Variants in RAP1GDS1 observed in about 807,000 individuals in gnomAD.
RAP1GDS1 encodes the protein Rap1 GTPase-GDP dissociation stimulator 1.
Under a neutral mutation model 71.1 loss-of-function variants are expected in RAP1GDS1, and 35 were observed. That is an observed-to-expected ratio of 0.49 (90% confidence interval 0.38 to 0.65). RAP1GDS1 has a LOEUF of 0.65. RAP1GDS1 is among the 30% of genes least tolerant of loss of function. The probability of loss-of-function intolerance (pLI) is 0.00; values close to 1 mark genes in which losing one functional copy is unlikely to be tolerated. For synonymous variants in RAP1GDS1, 229 were observed against 243.1 expected (o/e 0.94, Z 0.54); for missense variants, 663 against 706.1 (o/e 0.94, Z 0.69).
chr4:98,436,923 C>CTTTG lies in RAP1GDS1; in HGVS notation c.1568-13_1568-10dup. ...ACTGGGTTCGTACGCAGTAGATATA[C>CTTTG]TTTGTTTTATTTGTAGGCACTGCTG... On this transcript the variant is annotated splice_polypyrimidine_tract_variant and intron_variant, in intron 13 of 14. Coordinates refer to ENST00000408927, the MANE Select transcript of RAP1GDS1 (RefSeq NM_001100427.2). 6.3e-7 allele frequency: 1 copy of CTTTG among 1,584,186 alleles called. No homozygotes were observed. The highest frequency in any genetic ancestry group is 8.5e-7 in the Non-Finnish European group (1 of 1,170,898).
chr4:98,314,878 C>T (rs1047969460), intron 2 of RAP1GDS1, among the ~76,000 whole-genome samples: 2 of 152,036 alleles, frequency 1.3e-5, no homozygotes, highest in African/African-American at 4.8e-5. Flanking sequence ...TATAGGTATA[C>T]CGTTGTTTTT....
At chr4:98,278,161 C>T (rs760556832) in intron 1 of RAP1GDS1, among the ~76,000 whole-genome samples, 6 of 152,132 alleles carry the variant, frequency 3.9e-5, no homozygotes, top group South Asian at 2.1e-4. Flanking sequence ...ATAGAGCCAC[C>T]GCATTCCAAC....
intron 12 of RAP1GDS1, among the ~76,000 whole-genome samples, chr4:98,425,811 G>C (rs1749530397): frequency 6.6e-6 from 1 of 152,122 alleles, no homozygotes; most frequent in Non-Finnish European, 1.5e-5. Flanking sequence ...CATTAAAGAG[G>C]TTATCAAGAC....
intron 2 of RAP1GDS1, among the ~76,000 whole-genome samples, chr4:98,319,202 C>A (rs935133789): frequency 6.6e-6 from 1 of 152,114 alleles, no homozygotes; most frequent in Non-Finnish European, 1.5e-5. Context: ...TTAGCATGTT[C>A]TAGGCACTTA....
At chr4:98,340,918 G>A (rs1388569699) in intron 2 of RAP1GDS1, among the ~76,000 whole-genome samples, 1 of 151,796 alleles carries the variant, frequency 6.6e-6, no homozygotes, top group East Asian at 1.9e-4. Flanking sequence ...CTACCTATCG[G>A]GTACTATGCT....
intron 2 of RAP1GDS1, among the ~76,000 whole-genome samples, chr4:98,295,940 G>A (rs1727671279): frequency 6.6e-6 from 1 of 151,894 alleles, no homozygotes; most frequent in African/African-American, 2.4e-5. Context: ...GTTCTTCCTT[G>A]AATAAGGTGA....
intron 1 of RAP1GDS1, among the ~76,000 whole-genome samples, chr4:98,277,663 A>G (rs545883846): frequency 2.0e-5 from 3 of 152,278 alleles, no homozygotes; most frequent in East Asian, 1.9e-4. Flanking sequence ...TTAGATTTCA[A>G]ATCTCATTCA....
chr4:98,359,829 A>G (rs1738462959), intron 4 of RAP1GDS1, among the ~76,000 whole-genome samples: 1 of 152,178 alleles, frequency 6.6e-6, no homozygotes, highest in South Asian at 2.1e-4. Context: ...TCAGGAAGCC[A>G]TTACAGGAGG....
chr4:98,264,081 T>A (rs1490960548), intron 1 of RAP1GDS1, among the ~76,000 whole-genome samples: 2 of 152,192 alleles, frequency 1.3e-5, no homozygotes, highest in Non-Finnish European at 2.9e-5. Flanking sequence ...GGAGAAGTGC[T>A]TTTTAATTTG....
chr4:98,418,609 T>C, intron 9 of RAP1GDS1, 48 bp from the exon 10 acceptor site: 1 of 1,519,484 alleles, frequency 6.6e-7, no homozygotes, highest in Non-Finnish European at 8.9e-7. Flanking sequence ...ATAAAGTATT[T>C]ATAGATATTT....
chr4:98,437,029 T>C lies in RAP1GDS1; in HGVS notation c.1657T>C (p.Tyr553His). 6.2e-7 allele frequency: 1 copy of C among 1,612,608 alleles called. No individual in the cohort carries two copies. Among genetic ancestry groups the C allele is most frequent in the Non-Finnish European group, 8.5e-7 (1 of 1,179,648 alleles). The change falls in exon 14 of 15, where the codon TAT becomes CAT. Residue 553 changes from tyrosine to histidine, a missense_variant. Transcript: ENST00000408927. ...TGAGAGAAGTGCTCCTGAAATCAAA[T>C]ATAATTCCATGGTCCTGATATGTGC... is the stretch of plus-strand genomic sequence containing the variant. ...ADERSAPEIKYNSMVLICALM... is the reference protein window; with the variant it reads ...ADERSAPEIKHNSMVLICALM...
intron 4 of RAP1GDS1, among the ~76,000 whole-genome samples, chr4:98,376,485 AT>A (rs1741203138): frequency 6.6e-6 from 1 of 152,106 alleles, no homozygotes; most frequent in South Asian, 2.1e-4. Context: ...TACTGGAAAA[AT>A]AAGTCAGTTG....
intron 14 of RAP1GDS1, among the ~76,000 whole-genome samples, chr4:98,437,882 T>C (rs149097457): frequency 2.9e-3 from 442 of 152,186 alleles, no homozygotes; most frequent in African/African-American, 0.01. Flanking sequence ...TATGGACACC[T>C]GAAAAGAGTG....
At chr4:98,420,862 G>A (rs1320761433) in intron 11 of RAP1GDS1, among the ~76,000 whole-genome samples, 2 of 152,184 alleles carry the variant, frequency 1.3e-5, no homozygotes, top group Non-Finnish European at 2.9e-5. Flanking sequence ...CAGACAGGGA[G>A]AGCATTTTTC....
chr4:98,436,079 A>AATATAT (rs770519660), intron 13 of RAP1GDS1, among the ~76,000 whole-genome samples: 4 of 143,150 alleles, frequency 2.8e-5, no homozygotes, highest in African/African-American at 5.2e-5. Context: ...TCAAAAAAAA[A>AATATAT]ATATATATAT....
chr4:98,293,069 A>G (rs1285796537), intron 1 of RAP1GDS1, among the ~76,000 whole-genome samples: 1 of 152,178 alleles, frequency 6.6e-6, no homozygotes, highest in Non-Finnish European at 1.5e-5. Context: ...AAAACTATAT[A>G]ATTTTTTATG....
chr4:98,332,186 A>G (rs1176828151), intron 2 of RAP1GDS1, among the ~76,000 whole-genome samples: 1 of 152,224 alleles, frequency 6.6e-6, no homozygotes, highest in Non-Finnish European at 1.5e-5. Context: ...TTAATCAGAC[A>G]AAGGAGAAGT....
intron 1 of RAP1GDS1, among the ~76,000 whole-genome samples, chr4:98,276,531 A>G (rs1029794051): frequency 6.7e-6 from 1 of 149,774 alleles, no homozygotes; most frequent in Non-Finnish European, 1.5e-5. Context: ...TTTTATTTCC[A>G]TGAAGATGGC....
chr4:98,356,145 T>C (rs892590975), intron 4 of RAP1GDS1, among the ~76,000 whole-genome samples: 1 of 152,134 alleles, frequency 6.6e-6, no homozygotes, highest in African/African-American at 2.4e-5. Context: ...TGTATTTCAA[T>C]TTGGAAAGAA....
Sources: allele counts gnomAD v4.1 joint callset (sites outside exome capture counted in the v4.1 genomes callset), GRCh38; gene constraint gnomAD v4.1.1; transcripts MANE v1.5; gene names NCBI Gene and HGNC (gene_info 2026-07-23, HGNC 2026-07-21).